The following ITGA2 variants were observed in gnomAD, a reference collection of about 807,000 sequenced individuals.
The protein encoded by ITGA2 is integrin subunit alpha 2.
Under a neutral mutation model 146.3 loss-of-function variants are expected in ITGA2, and 101 were observed. The ratio of observed to expected loss-of-function variants is 0.69; its 90% CI spans 0.59 to 0.81. The LOEUF (loss-of-function observed/expected upper bound fraction) is 0.81. Among genes scored for constraint, ITGA2 ranks in the 40% least tolerant of loss-of-function variants. The pLI, the probability that ITGA2 is intolerant of heterozygous loss-of-function variation, is 0.00. For missense variants in ITGA2, 1,281 were observed against 1,402.7 expected, an observed-to-expected ratio of 0.91 and a Z score of 1.39; for synonymous variants, 477 against 487.1, an observed-to-expected ratio of 0.98 and a Z score of 0.27.
chr5:53,058,888 G>T (rs1031069202), intron 10 of ITGA2, among the ~76,000 whole-genome samples: 5 of 151,926 alleles, frequency 3.3e-5, no homozygotes. Flanking sequence ...TATGCACGGA[G>T]AATTTTGCAC....
At position 53,080,507 on chromosome 5, in the gene ITGA2, A is replaced by T. The variant is rs750397831; in HGVS notation, c.2929-4A>T. 6 of 1,609,144 alleles carry T rather than the reference A, an allele frequency of 3.7e-6. No homozygotes were observed. The highest frequency in any genetic ancestry group is 3.3e-5 in the Admixed American group (2 of 59,946). ...AGTACTGGCACATTTTATTCTCTAC[A>T]TAGGTAACAACAGGAAGTGTTCCAG... On this transcript the variant is annotated splice_region_variant and splice_polypyrimidine_tract_variant and intron_variant, in intron 24 of 29. Coordinates refer to ENST00000296585, the MANE Select transcript of ITGA2 (RefSeq NM_002203.4).
At chr5:53,032,677 A>G (rs1287927629) in intron 2 of ITGA2, among the ~76,000 whole-genome samples, 1 of 152,212 alleles carries the variant, frequency 6.6e-6, no homozygotes, top group African/African-American at 2.4e-5. Context: ...AGTAAGAGAA[A>G]CTTTCAGAAT....
intron 24 of ITGA2, 63 bp from the exon 25 acceptor site, chr5:53,080,448 G>A: frequency 7.7e-7 from 1 of 1,303,802 alleles, no homozygotes; most frequent in Non-Finnish European, 1.1e-6. Flanking sequence ...CGGGGTTACT[G>A]GTGAATTTCC....
chr5:53,045,453 G>GT (rs1046597347), intron 4 of ITGA2, among the ~76,000 whole-genome samples: 3 of 152,146 alleles, frequency 2.0e-5, no homozygotes, highest in African/African-American at 7.2e-5. Flanking sequence ...AGTATTTTTG[G>GT]TTTTTAATCA....
intron 1 of ITGA2, among the ~76,000 whole-genome samples, chr5:52,994,459 A>G (rs1741130363): frequency 1.3e-5 from 2 of 152,228 alleles, no homozygotes; most frequent in Non-Finnish European, 2.9e-5. Flanking sequence ...TGGGCATGTA[A>G]TGCAAGGTTG....
At chr5:53,033,766 T>A (rs1428813090) in intron 2 of ITGA2, among the ~76,000 whole-genome samples, 24 of 17,852 alleles carry the variant, frequency 1.3e-3, no homozygotes, top group African/African-American at 3.5e-3. Context: ...CTAGGCTAAT[T>A]TTTTTTTTTT....
intron 26 of ITGA2, 58 bp downstream of exon 26, chr5:53,081,754 G>A (rs1745931410): frequency 1.7e-6 from 2 of 1,183,842 alleles, no homozygotes; most frequent in Non-Finnish European, 2.5e-6. Context: ...CCTGTGATCA[G>A]GACGCTGCTT....
Position 53,035,979 on chromosome 5 carries a change from T to C in ITGA2, c.186-6133T>C, listed in dbSNP as rs1743472928. Among the ~76,000 whole-genome samples the C allele has an allele frequency of 2.0e-5, 3 of 152,144 alleles. No homozygotes were observed. The South Asian group carries it at 6.2e-4, about 32-fold the overall frequency. On this transcript the variant is annotated intron_variant, in intron 2 of 29. Coordinates refer to ENST00000296585, the MANE Select transcript of ITGA2 (RefSeq NM_002203.4). The stretch of plus-strand genomic sequence containing the variant: ...GCTCTACTGACAGCATCCCCTTTAA[T>C]CTGATGGTAGTGACTAGTTTCTTTT...
In ITGA2 at chr5:53,073,405, G is replaced by T; in HGVS notation, c.2571+146G>T. 6 of 892,600 alleles carry T rather than the reference G, an allele frequency of 6.7e-6. No individual in the cohort carries two copies. The South Asian group carries it at 6.7e-5, about 10-fold the overall frequency. 55.3% of individuals were successfully genotyped at this position (892,600 alleles called of 1,614,324 possible). The stretch of plus-strand genomic sequence containing the variant: ...TTTGTGGCTTCCGACTAGTTAAACT[G>T]CATGAGAACATAGTCTGGCTCTATA... On this transcript the variant is annotated intron_variant, in intron 20 of 29. Coordinates refer to ENST00000296585, the MANE Select transcript of ITGA2 (RefSeq NM_002203.4).
intron 28 of ITGA2, among the ~76,000 whole-genome samples, chr5:53,087,656 T>TG (rs1740171199): frequency 6.8e-6 from 1 of 147,112 alleles, no homozygotes; most frequent in African/African-American, 2.5e-5. Flanking sequence ...TACAGAGAAA[T>TG]GTACTTTCAC....
In ITGA2 at chr5:53,026,891, G is replaced by T. The variant is rs26678; in HGVS notation, c.185+23G>T. The T allele has an allele frequency of 0.3, 473,844 of 1,592,920 alleles. 71,837 individuals are homozygous for T. The highest frequency in any genetic ancestry group is 0.38 in the Middle Eastern group (2,276 of 5,942). On this transcript the variant is annotated intron_variant, in intron 2 of 29. Transcript: ENST00000296585. ...CTGGTAAGAATATTCTCTTCTTTAT[G>T]ATTTCAGTAAAAATACAAAATAAAT...
intron 1 of ITGA2, among the ~76,000 whole-genome samples, chr5:53,024,884 C>A (rs1322762011): frequency 1.3e-5 from 2 of 152,146 alleles, no homozygotes; most frequent in Non-Finnish European, 2.9e-5. Context: ...GGATTTTATT[C>A]TCAGTTCAAT....
At chr5:53,036,510 T>C (rs549723990) in intron 2 of ITGA2, among the ~76,000 whole-genome samples, 51 of 152,296 alleles carry the variant, frequency 3.3e-4, no homozygotes, top group African/African-American at 1.2e-3. Flanking sequence ...CCTAGACTAT[T>C]CTGCCACTAG....
chr5:53,052,165 T>C (rs1303719617), intron 7 of ITGA2, among the ~76,000 whole-genome samples: 1 of 152,122 alleles, frequency 6.6e-6, no homozygotes, highest in African/African-American at 2.4e-5. Flanking sequence ...AGTATACACA[T>C]GCCATGGTGA....
intron 8 of ITGA2, 28 bp from the exon 9 acceptor site, chr5:53,055,956 C>T: frequency 6.3e-7 from 1 of 1,599,702 alleles, no homozygotes; most frequent in Non-Finnish European, 8.5e-7. Flanking sequence ...GCAGTAATGA[C>T]TGCACATTCT....
At chr5:52,997,448 T>C in intron 1 of ITGA2, among the ~76,000 whole-genome samples, 1 of 152,172 alleles carries the variant, frequency 6.6e-6, no homozygotes, top group Non-Finnish European at 1.5e-5. Context: ...TAAAAGAGTG[T>C]TCAAAAAATG....
Position 53,056,160 on chromosome 5 carries a change from T to A in ITGA2, c.1096+11T>A. The A allele has an allele frequency of 6.2e-7, 1 of 1,605,084 alleles. No homozygotes were observed. The highest frequency in any genetic ancestry group is 8.5e-7 in the Non-Finnish European group (1 of 1,175,594). Reference sequence around the variant, plus strand: ...TTTTCAGCATTGAAGGTAAAAAAAATAACCTCCTTTCAAGAATTTTCTTCA... The same window carrying A: ...TTTTCAGCATTGAAGGTAAAAAAAAAAACCTCCTTTCAAGAATTTTCTTCA... On this transcript the variant is annotated intron_variant, in intron 9 of 29. Transcript: ENST00000296585.
chr5:53,070,291 T>C, intron 17 of ITGA2, 31 bp downstream of exon 17: 1 of 1,609,674 alleles, frequency 6.2e-7, no homozygotes, highest in Non-Finnish European at 8.5e-7. Context: ...CTTTTGACTT[T>C]ATTTCTTCCT....
In ITGA2 at chr5:52,997,980, C is replaced by G. The variant is rs541339501; in HGVS notation, c.64+8448C>G. Reference sequence around the variant, plus strand: ...CAGTATAAAAATTTAATAAATAGCCCTAATGAGAAAATCTAATGCCACATT... The same window carrying G: ...CAGTATAAAAATTTAATAAATAGCCGTAATGAGAAAATCTAATGCCACATT... On this transcript the variant is annotated intron_variant, in intron 1 of 29. Transcript: ENST00000296585. Among the ~76,000 whole-genome samples the G allele has an allele frequency of 4.7e-4, 72 of 152,030 alleles. No individual in the cohort carries two copies. The South Asian group carries it at 0.014, about 30-fold the overall frequency.
Sources: allele counts gnomAD v4.1 joint callset (sites outside exome capture counted in the v4.1 genomes callset), GRCh38; gene constraint gnomAD v4.1.1; transcripts MANE v1.5; gene names NCBI Gene and HGNC (gene_info 2026-07-23, HGNC 2026-07-21).